MCPH1: variants seen among roughly 807,000 people sequenced by gnomAD.
The protein encoded by MCPH1 is microcephalin 1, also known as microcephalin.
A neutral mutation model predicts 84.5 loss-of-function variants in MCPH1; 104 were observed. The ratio of observed to expected loss-of-function variants is 1.23; its 90% CI spans 1.05 to 1.45. The LOEUF (loss-of-function observed/expected upper bound fraction) is 1.45, where lower values mean the gene tolerates loss of function less well. Among genes scored for constraint, MCPH1 ranks in the 40% most tolerant of loss-of-function variants. The probability of loss-of-function intolerance (pLI) is 0.00; values close to 1 mark genes in which losing one functional copy is unlikely to be tolerated. For missense variants in MCPH1, 1,498 were observed against 1,005.7 expected (o/e 1.49, Z -6.62); for synonymous variants, 514 against 366.8 (o/e 1.40, Z -4.58).
At chr8:6,454,397 C>T (rs1805449415) in intron 8 of MCPH1, among the ~76,000 whole-genome samples, 1 of 152,148 alleles carries the variant, frequency 6.6e-6, no homozygotes, top group Non-Finnish European at 1.5e-5. Context: ...ACCATTGAGA[C>T]CATGTTATGG....
In MCPH1 at chr8:6,406,672, C is replaced by T. The variant is rs759488210; in HGVS notation, c.5C>T (p.Ala2Val). The T allele has an allele frequency of 1.9e-6, 3 of 1,611,902 alleles. No individual in the cohort carries two copies. Among genetic ancestry groups the T allele is most frequent in the African/African-American group, 2.7e-5 (2 of 75,036 alleles). The change falls in exon 1 of 14, where the codon GCG becomes GTG. Residue 2 changes from alanine (A) to valine (V), a missense_variant. Coordinates refer to ENST00000344683, the MANE Select transcript of MCPH1 (RefSeq NM_024596.5). ...GGCCGGATCCCGCCGTCTGTCATGG[C>T]GGCCCCCATCCTGAAAGGTGAGGTA... M[A>V]APILKDVVAY...
At chr8:6,488,906 G>A (rs1220644888) in intron 11 of MCPH1, among the ~76,000 whole-genome samples, 1 of 152,080 alleles carries the variant, frequency 6.6e-6, no homozygotes, top group Non-Finnish European at 1.5e-5. Context: ...TAGGTGGAGA[G>A]GAGAGAGCAG....
chr8:6,622,393 G>T (rs958976462), intron 13 of MCPH1, among the ~76,000 whole-genome samples: 1 of 152,228 alleles, frequency 6.6e-6, no homozygotes, highest in African/African-American at 2.4e-5. Context: ...AAGGAAGAGT[G>T]TGAAGCAAGG....
At chr8:6,569,918 G>C (rs1287423770) in intron 12 of MCPH1, among the ~76,000 whole-genome samples, 16 of 152,188 alleles carry the variant, frequency 1.1e-4, no homozygotes, top group Non-Finnish European at 1.5e-5. Context: ...AAGCTCACCA[G>C]ACATCTCATG....
chr8:6,583,857 G>GTT (rs1463525699), intron 12 of MCPH1, among the ~76,000 whole-genome samples: 4 of 140,288 alleles, frequency 2.9e-5, no homozygotes, highest in Non-Finnish European at 4.5e-5. Flanking sequence ...TTCTTGTTTT[G>GTT]TTTTTTTTTT....
rs533424103 is a variant in MCPH1 at position 6,480,756 on chromosome 8, C to G, written c.2016C>G (p.Gly672=). 2.5e-6 allele frequency: 4 copies of G among 1,614,176 alleles called. No homozygotes were observed. Among genetic ancestry groups the G allele is most frequent in the South Asian group, 1.1e-5 (1 of 91,086 alleles). ...TCCAGGTTGTGGATAAATTGAAAGG[C>G]TTTTCAATTGCACCAGACGTCTGTG... ...VVIQVVDKLK[G]FSIAPDVCET... Residue 672 remains glycine (G), a synonymous_variant, in exon 11 of 14, where the codon GGC becomes GGG. Coordinates refer to ENST00000344683, the MANE Select transcript of MCPH1 (RefSeq NM_024596.5).
intron 12 of MCPH1, among the ~76,000 whole-genome samples, chr8:6,586,194 C>G (rs1429387412): frequency 2.0e-5 from 3 of 152,132 alleles, no homozygotes; most frequent in African/African-American, 7.2e-5. Context: ...CCACTGGGCT[C>G]AAGTGATCCT....
intron 12 of MCPH1, among the ~76,000 whole-genome samples, chr8:6,535,722 A>T (rs1820362711): frequency 6.6e-6 from 1 of 152,160 alleles, no homozygotes; most frequent in Non-Finnish European, 1.5e-5. Context: ...AGAACCAAAA[A>T]TGTGCAGTAG....
At chr8:6,508,120 A>G (rs570504132) in intron 12 of MCPH1, 6 of 152,214 alleles carry the variant, frequency 3.9e-5, no homozygotes, top group Non-Finnish European at 8.8e-5. Context: ...ATTTGTGTTT[A>G]TAGGTGTTGC....
chr8:6,530,111 T>C (rs1819183951), intron 12 of MCPH1, among the ~76,000 whole-genome samples: 1 of 152,364 alleles, frequency 6.6e-6, no homozygotes, highest in East Asian at 1.9e-4. Context: ...AGACATTTTT[T>C]GGATGAGCTA....
chr8:6,502,794 A>G (rs1365661471), intron 12 of MCPH1: 2 of 370,054 alleles, frequency 5.4e-6, no homozygotes, highest in East Asian at 5.4e-5. Flanking sequence ...CTTGCACATA[A>G]CATTCTTGGT....
intron 11 of MCPH1, among the ~76,000 whole-genome samples, chr8:6,496,728 A>C (rs756866282): frequency 6.6e-6 from 1 of 152,182 alleles, no homozygotes; most frequent in African/African-American, 2.4e-5. Flanking sequence ...GTGAATGTTA[A>C]TAAATGTTTT....
rs1187479362 is a variant in MCPH1, at chr8:6,406,690, G to C, written c.22+1G>C. 1.9e-6 allele frequency: 3 copies of C among 1,612,248 alleles called. No individual in the cohort carries two copies. Among genetic ancestry groups the C allele is most frequent in the East Asian group, 2.2e-5 (1 of 44,818 alleles). ...GTCATGGCGGCCCCCATCCTGAAAG[G>C]TGAGGTACTTCCTGCTGCCTGCTCC... On this transcript the variant is annotated splice_donor_variant, in intron 1 of 13. Transcript: ENST00000344683. LOFTEE classifies it high-confidence loss of function.
At chr8:6,469,612 C>G (rs942718555) in intron 9 of MCPH1, among the ~76,000 whole-genome samples, 8 of 152,110 alleles carry the variant, frequency 5.3e-5, no homozygotes, top group African/African-American at 1.9e-4. Flanking sequence ...TGTGGGTTAT[C>G]TCCTTATTTT....
chr8:6,603,298 G>T (rs562255221), intron 12 of MCPH1, among the ~76,000 whole-genome samples: 2 of 152,190 alleles, frequency 1.3e-5, no homozygotes, highest in African/African-American at 4.8e-5. Flanking sequence ...ACTGGTGATT[G>T]TGCAGGGGTG....
intron 12 of MCPH1, among the ~76,000 whole-genome samples, chr8:6,610,470 C>G (rs1383573470): frequency 1.3e-5 from 2 of 152,240 alleles, no homozygotes; most frequent in Admixed American, 6.5e-5. Context: ...TTGCATGCTG[C>G]TCTTTTCAGC....
intron 13 of MCPH1, among the ~76,000 whole-genome samples, chr8:6,641,997 A>T (rs1460216296): frequency 1.3e-5 from 2 of 152,140 alleles, no homozygotes; most frequent in Non-Finnish European, 1.5e-5. Context: ...AAATTCTGGG[A>T]CACTATCTTG....
rs142189236 is a variant in MCPH1, at chr8:6,453,302, G to C, written c.1826-1841G>C. Reference sequence around the variant, plus strand: ...AACCCACTGGCAAATTAGTGTGGCAGAGTTTATGAAATGTTTTAAATAAAA... The same window carrying C: ...AACCCACTGGCAAATTAGTGTGGCACAGTTTATGAAATGTTTTAAATAAAA... On this transcript the variant is annotated intron_variant, in intron 8 of 13. Transcript: ENST00000344683. Among the ~76,000 whole-genome samples, 943 of 126,392 alleles carry C rather than the reference G, an allele frequency of 7.5e-3. 4 individuals are homozygous for C. Among genetic ancestry groups the C allele is most frequent in the Middle Eastern group, 0.042 (11 of 262 alleles). 82.9% of individuals were successfully genotyped at this position (126,392 alleles called of 152,430 possible). A position where few individuals can be genotyped will look rare whatever the true frequency, so the allele number is the denominator to read the frequency against.
intron 8 of MCPH1, chr8:6,447,064 G>C (rs1187024003): frequency 2.0e-6 from 2 of 985,292 alleles, no homozygotes. Context: ...TAGTGCGAGA[G>C]GATCTTCTAC....
Sources: allele counts gnomAD v4.1 joint callset (sites outside exome capture counted in the v4.1 genomes callset), GRCh38; gene constraint gnomAD v4.1.1; transcripts MANE v1.5; gene names NCBI Gene and HGNC (gene_info 2026-07-23, HGNC 2026-07-21).